KIAA1549L: variants seen among roughly 807,000 people sequenced by gnomAD.
The protein encoded by KIAA1549L is UPF0606 protein KIAA1549L.
A neutral mutation model predicts 160.7 loss-of-function variants in KIAA1549L; 88 were observed. That is an observed-to-expected ratio of 0.55 (90% CI 0.46 to 0.65). The LOEUF (loss-of-function observed/expected upper bound fraction) is 0.65, where lower values mean the gene tolerates loss of function less well. Among genes scored for constraint, KIAA1549L ranks in the 30% least tolerant of loss-of-function variants. KIAA1549L has a pLI of 0.00. For synonymous variants in KIAA1549L, 950 were observed against 976.7 expected (o/e 0.97, Z 0.51); for missense variants, 2,258 against 2,437.5 (o/e 0.93, Z 1.55).
chr11:33,596,979 T>C (rs905758282), intron 12 of KIAA1549L, among the ~76,000 whole-genome samples: 2 of 152,190 alleles, frequency 1.3e-5, no homozygotes, highest in African/African-American at 4.8e-5. Flanking sequence ...AAATAACATA[T>C]ATTCAACAAG....
chr11:33,400,953 C>G lies in KIAA1549L; in HGVS notation c.238+24064C>G, dbSNP rs144103100. On this transcript the variant is annotated intron_variant, in intron 1 of 20. Transcript: ENST00000658780. Reference sequence around the variant, plus strand: ...ATAGCATAATGTTGGATCTGTCCTTCTGAACCCAAGGCCTGTGCTCCTGTC... The same window carrying G: ...ATAGCATAATGTTGGATCTGTCCTTGTGAACCCAAGGCCTGTGCTCCTGTC... Among the ~76,000 whole-genome samples, 2 of 152,258 alleles carry G rather than the reference C, an allele frequency of 1.3e-5. 1 individual carries two copies. Among genetic ancestry groups the G allele is most frequent in the Non-Finnish European group, 2.9e-5 (2 of 68,030 alleles).
rs367575104 is a variant in KIAA1549L, at chr11:33,543,855, G to T, written c.2292G>T (p.Gly764=). ...IKSQDFKDTA[G]HSVTAEGFSI... is the part of the protein sequence containing the mutation. ...CTCAGGATTTCAAAGATACTGCTGG[G>T]CATTCAGTGACTGCAGAAGGGTTTA... The change falls in exon 2 of 21, where the codon GGG becomes GGT. Residue 764 remains glycine (G), a synonymous_variant. Transcript: ENST00000658780. 6.2e-7 allele frequency: 1 copy of T among 1,613,884 alleles called. No homozygotes were observed. Among genetic ancestry groups the T allele is most frequent in the African/African-American group, 1.3e-5 (1 of 74,928 alleles).
intron 1 of KIAA1549L, among the ~76,000 whole-genome samples, chr11:33,457,981 G>A (rs59635293): frequency 0.01 from 1,571 of 152,278 alleles, 17 homozygotes; most frequent in African/African-American, 0.035. Context: ...TCCATGTCCC[G>A]TCTGCTTCCA....
At chr11:33,460,227 C>G (rs1049395019) in intron 1 of KIAA1549L, among the ~76,000 whole-genome samples, 1 of 152,006 alleles carries the variant, frequency 6.6e-6, no homozygotes, top group Non-Finnish European at 1.5e-5. Flanking sequence ...CTTGGCTTCA[C>G]TGGAATGGAA....
intron 1 of KIAA1549L, among the ~76,000 whole-genome samples, chr11:33,417,582 C>T (rs2134097189): frequency 6.6e-6 from 1 of 152,218 alleles, no homozygotes; most frequent in Non-Finnish European, 1.5e-5. Flanking sequence ...CTTGCAGGGG[C>T]TTTGCCATTG....
At chr11:33,537,256 C>T (rs2133162610) in intron 1 of KIAA1549L, among the ~76,000 whole-genome samples, 1 of 152,276 alleles carries the variant, frequency 6.6e-6, no homozygotes, top group South Asian at 2.1e-4. Flanking sequence ...TTTCTGACCT[C>T]CCTGATCAGA....
At chr11:33,667,835 T>C (rs1852524018) in intron 20 of KIAA1549L, 38 bp from the exon 21 acceptor site, 9 of 1,567,594 alleles carry the variant, frequency 5.7e-6, no homozygotes, top group African/African-American at 2.7e-5. Flanking sequence ...TCCTTCCTCA[T>C]GCCAGGCCCT....
intron 17 of KIAA1549L, among the ~76,000 whole-genome samples, chr11:33,649,882 GAAAGAAA>G (rs1278742054): frequency 1.4e-5 from 2 of 147,008 alleles, no homozygotes; most frequent in South Asian, 2.2e-4. Context: ...AAAAAGGAAA[GAAAGAAA>G]AAAGAAAAAG....
At chr11:33,548,629 G>A (rs1340852219) in intron 4 of KIAA1549L, among the ~76,000 whole-genome samples, 1 of 152,212 alleles carries the variant, frequency 6.6e-6, no homozygotes, top group Admixed American at 6.5e-5. Context: ...GCCCACTGCA[G>A]ACAGGGAAGT....
chr11:33,583,403 G>C lies in KIAA1549L; in HGVS notation c.4468G>C (p.Val1490Leu), dbSNP rs1248766077. The C allele has an allele frequency of 6.2e-7, 1 of 1,603,770 alleles. No homozygotes were observed. The highest frequency in any genetic ancestry group is 8.5e-7 in the Non-Finnish European group (1 of 1,175,240). The stretch of plus-strand genomic sequence containing the variant: ...TGCAGTGCTGGCGCCCATTGCCGTG[G>C]TCACGGTCATCATCATCATCATCAC... ...IAAVLAPIAVVTVIIIIITAV... is the reference protein window; with the variant it reads ...IAAVLAPIAVLTVIIIIITAV... The change falls in exon 11 of 21, where the codon GTC becomes CTC. Residue 1490 changes from valine to leucine, a missense_variant. Physicochemically the swap from Val to Leu is conservative, Grantham distance 32 (BLOSUM62 1). Around this residue, in one of 6 missense-constraint regions of KIAA1549L, gnomAD observed 1,359 missense variants for 1,546.6 expected, o/e 0.88. Coordinates refer to ENST00000658780, the MANE Select transcript of KIAA1549L (RefSeq NM_012194.3).
intron 1 of KIAA1549L, among the ~76,000 whole-genome samples, chr11:33,424,941 C>T (rs908271600): frequency 1.3e-5 from 2 of 152,180 alleles, no homozygotes; most frequent in African/African-American, 4.8e-5. Flanking sequence ...AAGCTAAACT[C>T]CTCCAGTCAA....
chr11:33,464,396 G>A lies in KIAA1549L; in HGVS notation c.239-77406G>A, dbSNP rs750291595. 5.9e-5 allele frequency among the ~76,000 whole-genome samples: 9 copies of A among 151,810 alleles called. No homozygotes were observed. In the East Asian group the frequency reaches 1.2e-3, roughly 20 times the overall value. ...AAGATGAGTAAGACTTGAGTCTCTC[G>A]CTTATATCCTAGTGGAGAATGCAGA... On this transcript the variant is annotated intron_variant, in intron 1 of 20. Transcript: ENST00000658780.
At chr11:33,402,729 G>A (rs890488401) in intron 1 of KIAA1549L, among the ~76,000 whole-genome samples, 5 of 152,154 alleles carry the variant, frequency 3.3e-5, no homozygotes, top group Non-Finnish European at 7.3e-5. Context: ...GAATTCCCCC[G>A]TGGGAGCAGC....
At chr11:33,397,602 C>G (rs1234591172) in intron 1 of KIAA1549L, among the ~76,000 whole-genome samples, 1 of 151,780 alleles carries the variant, frequency 6.6e-6, no homozygotes, top group African/African-American at 2.4e-5. Flanking sequence ...GTCCCAGCTA[C>G]TCGGGAGGCT....
rs148205096 is a variant in KIAA1549L, at chr11:33,514,363, A to C, written c.239-27439A>C. On this transcript the variant is annotated intron_variant, in intron 1 of 20. Coordinates refer to ENST00000658780, the MANE Select transcript of KIAA1549L (RefSeq NM_012194.3). ...TTGTTGGGGGAACCACGGACTGATC[A>C]ACCCTTTGCAAACCACATTCTTTTT... is the stretch of plus-strand genomic sequence containing the variant. 1.1e-4 allele frequency among the ~76,000 whole-genome samples: 17 copies of C among 152,362 alleles called. No individual in the cohort carries two copies. The East Asian group carries it at 3.3e-3, about 29-fold the overall frequency.
chr11:33,406,680 T>TA (rs1283584215), intron 1 of KIAA1549L, among the ~76,000 whole-genome samples: 1 of 152,232 alleles, frequency 6.6e-6, no homozygotes, highest in African/African-American at 2.4e-5. Flanking sequence ...TAAGGCCCCC[T>TA]AGCCCTCCGC....
chr11:33,384,931 TTTTTTG>T (rs1189240829), intron 1 of KIAA1549L, among the ~76,000 whole-genome samples: 1 of 121,074 alleles, frequency 8.3e-6, no homozygotes, highest in African/African-American at 4.3e-5. Flanking sequence ...TAACAGCGTT[TTTTTTG>T]TTTTTTGTTT....
intron 1 of KIAA1549L, among the ~76,000 whole-genome samples, chr11:33,517,326 G>A (rs1340992783): frequency 6.6e-6 from 1 of 152,204 alleles, no homozygotes; most frequent in Non-Finnish European, 1.5e-5. Flanking sequence ...TCTACCTTAT[G>A]TAACGCCTCT....
intron 1 of KIAA1549L, 123 bp from the exon 2 acceptor site, chr11:33,541,679 C>A (rs906784560): frequency 6.4e-6 from 1 of 155,700 alleles, no homozygotes. Flanking sequence ...ACTCTGTTTC[C>A]TGAGCCTTCT....
Sources: allele counts gnomAD v4.1 joint callset (sites outside exome capture counted in the v4.1 genomes callset), GRCh38; gene constraint gnomAD v4.1.1; regional missense constraint gnomAD v4.1.1; transcripts MANE v1.5; gene names NCBI Gene and HGNC (gene_info 2026-07-23, HGNC 2026-07-21).